Variants in NDP observed in about 807,000 individuals in gnomAD.
NDP encodes the protein norrin cystine knot growth factor NDP.
In NDP, 2 loss-of-function variants were observed where a neutral mutation model predicts 8.4. The observed-to-expected ratio is 0.24, with a 90% CI of 0.10 to 0.75. The LOEUF (loss-of-function observed/expected upper bound fraction) is 0.75. Ranked by LOEUF, NDP falls within the 30% of genes least tolerant of loss-of-function variation. The pLI, the probability that NDP is intolerant of heterozygous loss-of-function variation, is 0.73. For synonymous variants in NDP, 55 were observed against 45.6 expected (o/e 1.21, Z -0.83); for missense variants, 81 against 110.1 (o/e 0.74, Z 1.18).
chrX:43,952,764 A>T (rs1290875500), intron 2 of NDP, among the ~76,000 whole-genome samples: 1 of 112,272 alleles, frequency 8.9e-6, no homozygotes, highest in Non-Finnish European at 1.9e-5. Flanking sequence ...TTGTGCAAGA[A>T]GAATGCACAG....
In NDP at chrX:43,948,787, C is replaced by T. The variant is rs2035743470; in HGVS notation, c.*1012G>A. Reference sequence around the variant, plus strand: ...TTAAACAGTCAAAATTTTGAATATACTCTTTTTATTTCAAAACGTGGGAAT... The same window carrying T: ...TTAAACAGTCAAAATTTTGAATATATTCTTTTTATTTCAAAACGTGGGAAT... On this transcript the variant is annotated 3_prime_UTR_variant, in exon 3 of 3. Transcript: ENST00000642620. 1 of 110,966 alleles carries T rather than the reference C, an allele frequency of 9.0e-6. No individual in the cohort carries two copies. Among genetic ancestry groups the T allele is most frequent in the South Asian group, 3.8e-4 (1 of 2,660 alleles). 9.1% of individuals were successfully genotyped at this position (110,966 alleles called of 1,213,427 possible). A position where few individuals can be genotyped will look rare whatever the true frequency, so the allele number is the denominator to read the frequency against.
chrX:43,958,972 G>A (rs2035811317), intron 1 of NDP, 120 bp from the exon 2 acceptor site: 1 of 272,470 alleles, frequency 3.7e-6, no homozygotes, highest in Non-Finnish European at 6.7e-6. Flanking sequence ...TTGGTTTCTA[G>A]AGCGTCATTA....
chrX:43,967,716 GGAA>G (rs2035866295), intron 1 of NDP, among the ~76,000 whole-genome samples: 1 of 111,576 alleles, frequency 9.0e-6, no homozygotes, highest in East Asian at 2.8e-4. Context: ...ATGAAAGGAT[GGAA>G]GAGGACTCCA....
At chrX:43,966,083 C>T (rs974467364) in intron 1 of NDP, among the ~76,000 whole-genome samples, 2 of 112,170 alleles carry the variant, frequency 1.8e-5, no homozygotes, top group Non-Finnish European at 3.8e-5. Context: ...TTGGAAATGA[C>T]CAAGTCAGGT....
intron 2 of NDP, among the ~76,000 whole-genome samples, chrX:43,957,757 C>A (rs1009930847): frequency 1.9e-5 from 2 of 103,359 alleles, no homozygotes; most frequent in Admixed American, 2.2e-4. Context: ...AAATTTCATT[C>A]ATTGTGCCTG....
At chrX:43,964,063 T>G (rs1274929125) in intron 1 of NDP, among the ~76,000 whole-genome samples, 9 of 111,792 alleles carry the variant, frequency 8.1e-5, no homozygotes, top group Non-Finnish European at 1.5e-4. Context: ...ATGTGTCTAA[T>G]CCAGTGCAGG....
intron 1 of NDP, among the ~76,000 whole-genome samples, chrX:43,959,667 CT>C (rs892904808): frequency 8.0e-5 from 9 of 111,808 alleles, no homozygotes; most frequent in African/African-American, 2.9e-4. Flanking sequence ...GGACAAAGGA[CT>C]GGGGTCCAGA....
chrX:43,960,769 C>T (rs2035821899), intron 1 of NDP: 1 of 112,254 alleles, frequency 8.9e-6, no homozygotes, highest in Admixed American at 9.4e-5. Flanking sequence ...TTAGATTTCA[C>T]TGCTTCGGTC....
intron 1 of NDP, among the ~76,000 whole-genome samples, chrX:43,968,915 C>T (rs2239444): frequency 1.8e-5 from 2 of 110,591 alleles, no homozygotes; most frequent in Admixed American, 1.9e-4. Flanking sequence ...CTTTTGGGTC[C>T]TTTAATGAAT....
In NDP at chrX:43,950,015, C is replaced by A. The variant is rs751217173; in HGVS notation, c.186G>T (p.Leu62=). 3.4e-5 allele frequency: 41 copies of A among 1,199,195 alleles called. 1 individual carries two copies. The Middle Eastern group carries it at 7.0e-4, about 20-fold the overall frequency. Residue 62 remains leucine, a synonymous_variant, in exon 3 of 3, where the codon CTG becomes CTT. Transcript: ENST00000642620. ...LYKCSSKMVL[L]ARCEGHCSQA... ...GGCTGCAGTGCCCCTCGCACCTGGC[C>A]AGGAGCACCATCTGGGGAAAGAAAA... is the stretch of plus-strand genomic sequence containing the variant.
In NDP at chrX:43,958,553, T is replaced by C; in HGVS notation, c.93A>G (p.Ile31Met). ...TGCAGCGTCGAGGGTCCGAGTCCAT[T>C]ATGAATGAGCTGTCCGTTTTACTGT... ...DTDSKTDSSFIMDSDPRRCMR... is the reference protein window; with the variant it reads ...DTDSKTDSSFMMDSDPRRCMR... Residue 31 changes from isoleucine to methionine, a missense_variant, in exon 2 of 3, where the codon ATA (isoleucine) becomes ATG (methionine). Ile to Met is a conservative substitution (Grantham distance 10). Coordinates refer to ENST00000642620, the MANE Select transcript of NDP (RefSeq NM_000266.4). 8.3e-7 allele frequency: 1 copy of C among 1,211,367 alleles called. No individual in the cohort carries two copies. The highest frequency in any genetic ancestry group is 1.8e-5 in the South Asian group (1 of 57,017).
chrX:43,950,116 T>C (rs2035752594), intron 2 of NDP, 90 bp from the exon 3 acceptor site: 1 of 833,142 alleles, frequency 1.2e-6, no homozygotes. Flanking sequence ...CTCACACTCG[T>C]TGCCAATTCC....
At position 43,956,147 on chromosome X, in the gene NDP, A is replaced by T. The variant is rs1255266154; in HGVS notation, c.174+2325T>A. Reference sequence around the variant, plus strand: ...TGCCATCACAGGTTTCTTGGCAATGATTATAATATACAATATGAGGTGCCT... The same window carrying T: ...TGCCATCACAGGTTTCTTGGCAATGTTTATAATATACAATATGAGGTGCCT... On this transcript the variant is annotated intron_variant, in intron 2 of 2. Coordinates refer to ENST00000642620, the MANE Select transcript of NDP (RefSeq NM_000266.4). Among the ~76,000 whole-genome samples the T allele has an allele frequency of 2.7e-5, 3 of 111,891 alleles. No homozygotes were observed. The East Asian group carries it at 8.4e-4, about 31-fold the overall frequency.
intron 2 of NDP, among the ~76,000 whole-genome samples, chrX:43,951,215 C>T (rs371754984): frequency 9.1e-6 from 1 of 109,746 alleles, no homozygotes; most frequent in South Asian, 4.0e-4. Flanking sequence ...GAGTTTGAGA[C>T]CAGCCTGGGC....
intron 1 of NDP, among the ~76,000 whole-genome samples, chrX:43,965,669 C>T (rs756247461): frequency 9.0e-6 from 1 of 111,269 alleles, no homozygotes; most frequent in Admixed American, 9.5e-5. Context: ...TTTTGAAAGA[C>T]GCTTATTTCT....
chrX:43,954,855 C>T (rs1230738269), intron 2 of NDP, among the ~76,000 whole-genome samples: 2 of 111,405 alleles, frequency 1.8e-5, no homozygotes, highest in African/African-American at 3.3e-5. Context: ...TAGTCATGCC[C>T]TGGTTCCATG....
intron 1 of NDP, among the ~76,000 whole-genome samples, chrX:43,961,923 A>C (rs918365232): frequency 3.6e-5 from 4 of 112,016 alleles, no homozygotes; most frequent in Non-Finnish European, 7.5e-5. Flanking sequence ...TTTCCTAAAA[A>C]TGAATAAAAC....
chrX:43,957,429 A>G (rs769877236), intron 2 of NDP, among the ~76,000 whole-genome samples: 1 of 111,115 alleles, frequency 9.0e-6, no homozygotes, highest in East Asian at 2.8e-4. Context: ...AGATCTTATT[A>G]ATATAATGGT....
intron 2 of NDP, among the ~76,000 whole-genome samples, chrX:43,953,622 C>T (rs148511032): frequency 8.9e-6 from 1 of 112,555 alleles, no homozygotes; most frequent in African/African-American, 3.2e-5. Flanking sequence ...GTTATTTCAT[C>T]CTTACAACAA....
Sources: allele counts gnomAD v4.1 joint callset (sites outside exome capture counted in the v4.1 genomes callset), GRCh38; gene constraint gnomAD v4.1.1; transcripts MANE v1.5; gene names NCBI Gene and HGNC (gene_info 2026-07-23, HGNC 2026-07-21).